RAG2: variants seen among roughly 807,000 people sequenced by gnomAD.
The protein encoded by RAG2 is V(D)J recombination-activating protein 2.
In RAG2, 16 loss-of-function variants were observed where a neutral mutation model predicts 31.8. The ratio of observed to expected loss-of-function variants is 0.50; its 90% CI spans 0.34 to 0.76. The LOEUF (loss-of-function observed/expected upper bound fraction) is 0.76. Among genes scored for constraint, RAG2 ranks in the 30% least tolerant of loss-of-function variants. RAG2 has a pLI of 0.01. For missense variants in RAG2, 622 were observed against 628.5 expected (o/e 0.99, Z 0.11); for synonymous variants, 199 against 215.9 (o/e 0.92, Z 0.68).
At chr11:36,594,265 A>G (rs969534830) in intron 1 of RAG2, 70 bp from the exon 2 acceptor site, 1 of 1,020,244 alleles carries the variant, frequency 9.8e-7, no homozygotes, top group Non-Finnish European at 1.5e-6. Context: ...ATTCCTTCAC[A>G]TGTGAATAGC....
Position 36,593,041 on chromosome 11 carries a change from A to G in RAG2, c.1128T>C (p.Thr376=). The G allele has an allele frequency of 6.2e-7, 1 of 1,614,152 alleles. No homozygotes were observed. The highest frequency in any genetic ancestry group is 8.5e-7 in the Non-Finnish European group (1 of 1,180,014). Residue 376 remains threonine, a synonymous_variant, in exon 2 of 2, where the codon ACT becomes ACC. Coordinates refer to ENST00000311485, the MANE Select transcript of RAG2 (RefSeq NM_000536.4). ...AAAATTCTTCAGAGTCTTCAAAGGG[A>G]GTGGAATCCCCTGGATCTTCTGTTG... ...QTSTEDPGDS[T]PFEDSEEFCF... is the part of the protein sequence containing the mutation.
chr11:36,596,662 A>G (rs1251887316), intron 1 of RAG2, among the ~76,000 whole-genome samples: 3 of 152,188 alleles, frequency 2.0e-5, no homozygotes, highest in Admixed American at 6.5e-5. Flanking sequence ...GGTGGGGGGA[A>G]CACCAAAGCC....
intron 1 of RAG2, among the ~76,000 whole-genome samples, chr11:36,595,499 GTTAATTC>G (rs1468161295): frequency 3.9e-5 from 6 of 152,214 alleles, no homozygotes; most frequent in African/African-American, 1.2e-4. Context: ...ACTTTTAAGA[GTTAATTC>G]TTAATATGCT....
At position 36,592,411 on chromosome 11, in the gene RAG2, A is replaced by G. The variant is rs1365937810; in HGVS notation, c.*174T>C. On this transcript the variant is annotated 3_prime_UTR_variant, in exon 2 of 2. Coordinates refer to ENST00000311485, the MANE Select transcript of RAG2 (RefSeq NM_000536.4). Reference sequence around the variant, plus strand: ...ATTTTCAAAATGTATAGGGTCTAGAATGACTTTATTTATCATTGCATTATA... The same window carrying G: ...ATTTTCAAAATGTATAGGGTCTAGAGTGACTTTATTTATCATTGCATTATA... The G allele has an allele frequency of 6.3e-6, 5 of 797,918 alleles. No individual in the cohort carries two copies. In the East Asian group the frequency reaches 1.3e-4, roughly 22 times the overall value. 49.4% of individuals were successfully genotyped at this position (797,918 alleles called of 1,614,324 possible).
intron 1 of RAG2, among the ~76,000 whole-genome samples, chr11:36,596,444 AG>A (rs1851260114): frequency 6.6e-6 from 1 of 152,178 alleles, no homozygotes; most frequent in Non-Finnish European, 1.5e-5. Flanking sequence ...TTGTATATTC[AG>A]CAAACTGCCC....
At chr11:36,596,774 A>G (rs1418883983) in intron 1 of RAG2, among the ~76,000 whole-genome samples, 1 of 152,222 alleles carries the variant, frequency 6.6e-6, no homozygotes, top group Non-Finnish European at 1.5e-5. Context: ...TTTCAAGAAC[A>G]GTTGTTTTAA....
At chr11:36,595,979 T>C (rs1349581409) in intron 1 of RAG2, among the ~76,000 whole-genome samples, 1 of 152,222 alleles carries the variant, frequency 6.6e-6, no homozygotes, top group Non-Finnish European at 1.5e-5. Flanking sequence ...TAGTTAATAT[T>C]TTATTCTTCT....
chr11:36,593,996 T>C lies in RAG2; in HGVS notation c.173A>G (p.Lys58Arg). 6.2e-7 allele frequency: 1 copy of C among 1,614,186 alleles called. No homozygotes were observed. Among genetic ancestry groups the C allele is most frequent in the Non-Finnish European group, 8.5e-7 (1 of 1,180,026 alleles). The change falls in exon 2 of 2, where the codon AAG becomes AGG. Residue 58 changes from lysine to arginine, a missense_variant. Physicochemically the swap from Lys to Arg is conservative, Grantham distance 26. Transcript: ENST00000311485. Reference protein sequence around the residue: ...LDVKHNHVKLKPTIFSKDSCY... With the variant: ...LDVKHNHVKLRPTIFSKDSCY... The stretch of plus-strand genomic sequence containing the variant: ...GGAATCCTTAGAGAAAATTGTAGGC[T>C]TCAGTTTGACATGGTTATGCTTTAC...
intron 1 of RAG2, among the ~76,000 whole-genome samples, chr11:36,596,566 G>A (rs1851268336): frequency 6.6e-6 from 1 of 152,176 alleles, no homozygotes; most frequent in East Asian, 1.9e-4. Flanking sequence ...GAAACTAAAA[G>A]GAGACATTAT....
chr11:36,597,290 C>A (rs1296469040), intron 1 of RAG2, among the ~76,000 whole-genome samples: 1 of 152,082 alleles, frequency 6.6e-6, no homozygotes, highest in Non-Finnish European at 1.5e-5. Flanking sequence ...ATTAGTCACA[C>A]CTTGGTTTTT....
intron 1 of RAG2, among the ~76,000 whole-genome samples, chr11:36,595,664 T>G (rs1247478546): frequency 6.6e-6 from 1 of 152,236 alleles, no homozygotes; most frequent in Non-Finnish European, 1.5e-5. Flanking sequence ...ACTGAGATAA[T>G]AATTTTACCA....
At chr11:36,597,981 T>A (rs1851346594) in intron 1 of RAG2, 121 bp downstream of exon 1, 1 of 152,096 alleles carries the variant, frequency 6.6e-6, no homozygotes, top group Non-Finnish European at 1.5e-5. Context: ...CTTCCCTATC[T>A]AGACACCAAA....
rs1336343565 is a variant in RAG2, at chr11:36,592,848, G to T, written c.1321C>A (p.Pro441Thr). 1 of 1,613,988 alleles carries T rather than the reference G, an allele frequency of 6.2e-7. No individual in the cohort carries two copies. Among genetic ancestry groups the T allele is most frequent in the Admixed American group, 1.7e-5 (1 of 59,998 alleles). Reference sequence around the variant, plus strand: ...CCATGAGAGCAGTAGATCATGGCGGGTTTGTTGAGCTCAGTTGAATAGAAT... The same window carrying T: ...CCATGAGAGCAGTAGATCATGGCGGTTTTGTTGAGCTCAGTTGAATAGAAT... ...VPFYSTELNK[P>T]AMIYCSHGDG... The change falls in exon 2 of 2, where the codon CCC becomes ACC. Residue 441 changes from proline to threonine, a missense_variant. Coordinates refer to ENST00000311485, the MANE Select transcript of RAG2 (RefSeq NM_000536.4).
intron 1 of RAG2, among the ~76,000 whole-genome samples, chr11:36,596,919 C>T (rs1230352466): frequency 1.3e-5 from 2 of 152,160 alleles, no homozygotes; most frequent in South Asian, 2.1e-4. Flanking sequence ...GAGGATTGTC[C>T]ATTTTTGTAG....
At position 36,593,920 on chromosome 11, in the gene RAG2, G is replaced by T; in HGVS notation, c.249C>A (p.Ser83Arg). The T allele has an allele frequency of 6.2e-7, 1 of 1,614,188 alleles. No individual in the cohort carries two copies. Among genetic ancestry groups the T allele is most frequent in the Non-Finnish European group, 8.5e-7 (1 of 1,180,024 alleles). Residue 83 changes from serine to arginine, a missense_variant, in exon 2 of 2, where the codon AGC becomes AGA. By Grantham distance (110) the Ser-to-Arg change is moderately radical. Coordinates refer to ENST00000311485, the MANE Select transcript of RAG2 (RefSeq NM_000536.4). Reference sequence around the variant, plus strand: ...TGTATTGATGCTTTTCAGACTCCAAGCTGCCTTTGAATGTGCAAGTGGCTG... The same window carrying T: ...TGTATTGATGCTTTTCAGACTCCAATCTGCCTTTGAATGTGCAAGTGGCTG... ...RYPATCTFKG[S>R]LESEKHQYII... is the part of the protein sequence containing the mutation.
Position 36,593,048 on chromosome 11 carries a change from T to G in RAG2, c.1121A>C (p.Asp374Ala). The change falls in exon 2 of 2, where the codon GAT becomes GCT. Residue 374 changes from aspartate (D) to alanine (A), a missense_variant. Coordinates refer to ENST00000311485, the MANE Select transcript of RAG2 (RefSeq NM_000536.4). ...TTCAGAGTCTTCAAAGGGAGTGGAA[T>G]CCCCTGGATCTTCTGTTGATGTTTG... is the stretch of plus-strand genomic sequence containing the variant. ...NSQTSTEDPG[D>A]STPFEDSEEF... 1 of 1,614,194 alleles carries G rather than the reference T, an allele frequency of 6.2e-7. No individual in the cohort carries two copies. The highest frequency in any genetic ancestry group is 1.1e-5 in the South Asian group (1 of 91,084).
rs1032639400 is a variant in RAG2, at chr11:36,592,108, G to A, written c.*477C>T. On this transcript the variant is annotated 3_prime_UTR_variant, in exon 2 of 2. Coordinates refer to ENST00000311485, the MANE Select transcript of RAG2 (RefSeq NM_000536.4). ...TTGAAGGTATATAAAGAACACTAAT[G>A]TGGGATGTAGTAGATCTTGCTTTTA... 5.2e-6 allele frequency: 1 copy of A among 192,586 alleles called. No homozygotes were observed. Among genetic ancestry groups the A allele is most frequent in the African/African-American group, 2.4e-5 (1 of 41,698 alleles). 11.9% of individuals were successfully genotyped at this position (192,586 alleles called of 1,614,324 possible). A position where few individuals can be genotyped will look rare whatever the true frequency, so the allele number is the denominator to read the frequency against.
Position 36,593,732 on chromosome 11 carries a change from T to C in RAG2, c.437A>G (p.Tyr146Cys), listed in dbSNP as rs140046628. ...ARYGHSINVV[Y>C]SRGKSMGVLF... The stretch of plus-strand genomic sequence containing the variant: ...AACACCCATACTTTTCCCTCGGCTG[T>C]ACACCACATTAATGGAATGACCATA... Residue 146 changes from tyrosine to cysteine, a missense_variant, in exon 2 of 2, where the codon TAC becomes TGC. Coordinates refer to ENST00000311485, the MANE Select transcript of RAG2 (RefSeq NM_000536.4). 9.3e-6 allele frequency: 15 copies of C among 1,614,124 alleles called. No homozygotes were observed. The African/African-American group carries it at 1.9e-4, about 20-fold the overall frequency.
Position 36,592,784 on chromosome 11 carries a change from G to T in RAG2, c.1385C>A (p.Ala462Glu), listed in dbSNP as rs770988511. Reference sequence around the variant, plus strand: ...TGACAGATGGATGAGTGTGCGTTCTGCCAGATCCATGCACTGAGCATGGAC... The same window carrying T: ...TGACAGATGGATGAGTGTGCGTTCTTCCAGATCCATGCACTGAGCATGGAC... Reference protein sequence around the residue: ...HWVHAQCMDLAERTLIHLSAG... With the variant: ...HWVHAQCMDLEERTLIHLSAG... Residue 462 changes from alanine to glutamate, a missense_variant, in exon 2 of 2, where the codon GCA (alanine) becomes GAA (glutamate). Transcript: ENST00000311485. 1 of 1,614,066 alleles carries T rather than the reference G, an allele frequency of 6.2e-7. No homozygotes were observed. Among genetic ancestry groups the T allele is most frequent in the Non-Finnish European group, 8.5e-7 (1 of 1,180,006 alleles).
Sources: gnomAD v4.1 joint callset for allele counts (sites outside exome capture counted in the v4.1 genomes callset) on GRCh38, gnomAD v4.1.1 for gene constraint, MANE v1.5 for transcripts, NCBI Gene and HGNC (gene_info 2026-07-23, HGNC 2026-07-21) for gene names.